Variants in LSAMP observed in about 807,000 individuals in gnomAD.
LSAMP encodes limbic system-associated membrane protein.
A neutral mutation model predicts 38.6 loss-of-function variants in LSAMP; 7 were observed. The ratio of observed to expected loss-of-function variants is 0.18; its 90% CI spans 0.10 to 0.34. The LOEUF is 0.34. LSAMP is among the 10% of genes least tolerant of loss of function. The pLI is 1.00. For missense variants in LSAMP, 313 were observed against 420.0 expected (o/e 0.75, Z 2.23); for synonymous variants, 154 against 166.8 (o/e 0.92, Z 0.59).
intron 1 of LSAMP, among the ~76,000 whole-genome samples, chr3:116,435,573 A>G (rs777809801): frequency 2.0e-5 from 3 of 152,108 alleles, no homozygotes; most frequent in Non-Finnish European, 4.4e-5. Context: ...ACCAGAAACC[A>G]CTAGACACCT....
intron 3 of LSAMP, among the ~76,000 whole-genome samples, chr3:115,893,693 G>T (rs1936659136): frequency 6.6e-6 from 1 of 151,662 alleles, no homozygotes; most frequent in African/African-American, 2.4e-5. Context: ...GAAAAAATCA[G>T]GAATAAAAGT....
intron 1 of LSAMP, among the ~76,000 whole-genome samples, chr3:116,182,699 G>T (rs187947323): frequency 1.3e-5 from 2 of 151,920 alleles, no homozygotes; most frequent in South Asian, 2.1e-4. Context: ...TATTGTTGTT[G>T]CTTGCTTGTT....
chr3:116,017,032 G>A (rs905354939), intron 3 of LSAMP, among the ~76,000 whole-genome samples: 1 of 152,030 alleles, frequency 6.6e-6, no homozygotes, highest in Non-Finnish European at 1.5e-5. Flanking sequence ...GACATGGCTT[G>A]TCCTCTGGTC....
intron 3 of LSAMP, among the ~76,000 whole-genome samples, chr3:115,920,749 A>G (rs1048046942): frequency 5.3e-5 from 8 of 151,938 alleles, no homozygotes; most frequent in Admixed American, 1.3e-4. Flanking sequence ...TTTCTTATTC[A>G]TCTTGTATAT....
At chr3:116,374,007 TTTA>T in intron 1 of LSAMP, among the ~76,000 whole-genome samples, 1 of 152,036 alleles carries the variant, frequency 6.6e-6, no homozygotes, top group Admixed American at 6.6e-5. Context: ...ACATTCACAT[TTTA>T]TTATAATGAC....
At chr3:116,299,167 C>G (rs371474111) in intron 1 of LSAMP, among the ~76,000 whole-genome samples, 5 of 152,094 alleles carry the variant, frequency 3.3e-5, no homozygotes, top group Admixed American at 3.3e-4. Context: ...ACCCACAAGA[C>G]CTTGAACTGG....
intron 1 of LSAMP, among the ~76,000 whole-genome samples, chr3:116,348,334 G>C (rs1190849588): frequency 1.3e-5 from 2 of 152,054 alleles, no homozygotes; most frequent in African/African-American, 4.8e-5. Flanking sequence ...TCATATGGCA[G>C]AGTAAGTGAA....
intron 1 of LSAMP, among the ~76,000 whole-genome samples, chr3:116,202,190 T>A (rs1430539742): frequency 6.6e-6 from 1 of 151,542 alleles, no homozygotes; most frequent in South Asian, 2.1e-4. Context: ...GGCTGGAGTG[T>A]TGTGGGGCAA....
At chr3:116,084,663 T>G (rs762400234) in intron 2 of LSAMP, among the ~76,000 whole-genome samples, 6 of 152,118 alleles carry the variant, frequency 3.9e-5, no homozygotes. Context: ...TATAGGATAA[T>G]ACACAATTTC....
At chr3:115,818,917 T>C (rs1164689129) in intron 6 of LSAMP, among the ~76,000 whole-genome samples, 1 of 148,744 alleles carries the variant, frequency 6.7e-6, no homozygotes, top group Admixed American at 6.8e-5. Flanking sequence ...CCCAGCACTT[T>C]GGGAGGCTGA....
At chr3:116,203,508 C>A (rs940481324) in intron 1 of LSAMP, among the ~76,000 whole-genome samples, 4 of 151,256 alleles carry the variant, frequency 2.6e-5, no homozygotes, top group Non-Finnish European at 4.4e-5. Flanking sequence ...ACTAACTCGT[C>A]ATCTAGCATT....
chr3:116,111,652 G>A (rs540374002), intron 1 of LSAMP, among the ~76,000 whole-genome samples: 2 of 151,888 alleles, frequency 1.3e-5, no homozygotes. Context: ...TTTGCCATAG[G>A]TTATGAAAAA....
intron 3 of LSAMP, among the ~76,000 whole-genome samples, chr3:115,882,233 G>A (rs1936341352): frequency 6.6e-6 from 1 of 152,058 alleles, no homozygotes; most frequent in Non-Finnish European, 1.5e-5. Context: ...CTAACACACT[G>A]TCTCAGGCTC....
chr3:116,215,297 G>C (rs532929895), intron 1 of LSAMP, among the ~76,000 whole-genome samples: 1 of 152,226 alleles, frequency 6.6e-6, no homozygotes, highest in East Asian at 1.9e-4. Flanking sequence ...ACTCAGGTAG[G>C]ACCCTATCTT....
At chr3:116,156,932 A>G (rs893256233) in intron 1 of LSAMP, among the ~76,000 whole-genome samples, 1 of 152,142 alleles carries the variant, frequency 6.6e-6, no homozygotes, top group Admixed American at 6.6e-5. Flanking sequence ...CTGTGGATAG[A>G]TGCTTCCAAG....
At chr3:116,418,736 C>A (rs771118549) in intron 1 of LSAMP, among the ~76,000 whole-genome samples, 1 of 152,154 alleles carries the variant, frequency 6.6e-6, no homozygotes, top group Non-Finnish European at 1.5e-5. Flanking sequence ...AAAACTAATT[C>A]TTGTCTACAT....
chr3:115,906,709 G>C (rs916155736), intron 3 of LSAMP, among the ~76,000 whole-genome samples: 1 of 152,120 alleles, frequency 6.6e-6, no homozygotes, highest in African/African-American at 2.4e-5. Flanking sequence ...CAAAGCGTTT[G>C]GCACAGTTTT....
At chr3:115,835,032 A>T (rs1449687171) in intron 6 of LSAMP, among the ~76,000 whole-genome samples, 2 of 152,164 alleles carry the variant, frequency 1.3e-5, no homozygotes, top group Non-Finnish European at 2.9e-5. Context: ...CCTCTCTCTA[A>T]GCCGTATAGT....
intron 1 of LSAMP, among the ~76,000 whole-genome samples, chr3:116,209,724 C>T (rs1042491131): frequency 4.5e-4 from 69 of 152,074 alleles, no homozygotes; most frequent in African/African-American, 1.4e-3. Context: ...TGAACAAATA[C>T]ATTTTGGGAT....
Sources: gnomAD v4.1 joint callset for allele counts (sites outside exome capture counted in the v4.1 genomes callset) on GRCh38, gnomAD v4.1.1 for gene constraint, MANE v1.5 for transcripts, NCBI Gene and HGNC (gene_info 2026-07-23, HGNC 2026-07-21) for gene names.